The following GRID2 variants were observed in gnomAD, a reference collection of about 807,000 sequenced individuals.
GRID2 encodes glutamate ionotropic receptor delta type subunit 2, also known as glutamate receptor ionotropic, delta-2.
A neutral mutation model predicts 114.8 loss-of-function variants in GRID2; 33 were observed. That is an observed-to-expected ratio of 0.29 (90% CI 0.22 to 0.38). GRID2 has a LOEUF of 0.38. GRID2 is among the 10% of genes least tolerant of loss of function. GRID2 has a pLI of 1.00. For synonymous variants in GRID2, 505 were observed against 449.9 expected (o/e 1.12, Z -1.55); for missense variants, 1,184 against 1,257.7 (o/e 0.94, Z 0.89).
chr4:93,526,760 G>T (rs992239311), intron 13 of GRID2, among the ~76,000 whole-genome samples: 2 of 152,186 alleles, frequency 1.3e-5, no homozygotes, highest in African/African-American at 4.8e-5. Flanking sequence ...AGTGAGCTGA[G>T]ATTGCGCCAT....
At chr4:92,607,256 CAAATG>C (rs1263494873) in intron 2 of GRID2, among the ~76,000 whole-genome samples, 5 of 152,008 alleles carry the variant, frequency 3.3e-5, no homozygotes, top group African/African-American at 9.6e-5. Context: ...AATAATATGA[CAAATG>C]AAATAAACAC....
chr4:92,858,558 G>GT (rs1015403873), intron 2 of GRID2, among the ~76,000 whole-genome samples: 9 of 151,900 alleles, frequency 5.9e-5, no homozygotes, highest in African/African-American at 2.4e-5. Context: ...GAGTTTGTTT[G>GT]TTTTTTTTCT....
chr4:92,604,820 T>A (rs931344506), intron 2 of GRID2, among the ~76,000 whole-genome samples: 15 of 152,108 alleles, frequency 9.9e-5, no homozygotes, highest in African/African-American at 3.6e-4. Flanking sequence ...AATCACCAGT[T>A]GATATAGTTA....
At chr4:93,104,410 A>G (rs1277958076) in intron 3 of GRID2, among the ~76,000 whole-genome samples, 2 of 151,742 alleles carry the variant, frequency 1.3e-5, no homozygotes, top group East Asian at 3.9e-4. Flanking sequence ...GCACCCATTA[A>G]CTCGTCATTT....
chr4:92,326,705 G>T (rs1449566238), intron 1 of GRID2, among the ~76,000 whole-genome samples: 1 of 151,906 alleles, frequency 6.6e-6, no homozygotes, highest in Admixed American at 6.6e-5. Context: ...TTAACGTGTA[G>T]CAATAATCTT....
intron 2 of GRID2, among the ~76,000 whole-genome samples, chr4:93,029,692 A>G (rs542776715): frequency 1.3e-5 from 2 of 152,186 alleles, no homozygotes; most frequent in South Asian, 2.1e-4. Flanking sequence ...CAAAATATAC[A>G]ATAGCATCAG....
At chr4:93,661,196 A>G (rs778464095) in intron 14 of GRID2, among the ~76,000 whole-genome samples, 1 of 152,186 alleles carries the variant, frequency 6.6e-6, no homozygotes, top group Non-Finnish European at 1.5e-5. Context: ...TAACCTCCAA[A>G]TCAGTTCTTG....
chr4:92,721,982 C>T (rs1735829447), intron 2 of GRID2, among the ~76,000 whole-genome samples: 1 of 152,142 alleles, frequency 6.6e-6, no homozygotes, highest in South Asian at 2.1e-4. Context: ...CTATCACCTG[C>T]AGGTCAGAAC....
chr4:93,415,074 T>C (rs1767573501), intron 9 of GRID2, among the ~76,000 whole-genome samples: 1 of 152,136 alleles, frequency 6.6e-6, no homozygotes, highest in African/African-American at 2.4e-5. Flanking sequence ...TTACTACTTC[T>C]TATAATATTT....
chr4:92,419,759 C>T (rs1338766371), intron 1 of GRID2, among the ~76,000 whole-genome samples: 2 of 152,020 alleles, frequency 1.3e-5, no homozygotes, highest in East Asian at 3.9e-4. Flanking sequence ...TAAGAACTAA[C>T]ACTTATTTAG....
chr4:93,651,678 G>T (rs1227863924), intron 14 of GRID2, among the ~76,000 whole-genome samples: 2 of 152,116 alleles, frequency 1.3e-5, no homozygotes, highest in Non-Finnish European at 2.9e-5. Context: ...TACTGAGACT[G>T]GTAGATTCAG....
In GRID2 at chr4:93,782,113, G is replaced by A. The variant is rs574958179; in HGVS notation, c.221+12663G>A. Among the ~76,000 whole-genome samples the A allele has an allele frequency of 8.5e-5, 13 of 152,146 alleles. No individual in the cohort carries two copies. The South Asian group carries it at 1.0e-3, about 12-fold the overall frequency. On this transcript the variant is annotated intron_variant, in intron 1 of 1. Coordinates refer to the GRID2 transcript ENST00000637838. The stretch of plus-strand genomic sequence containing the variant: ...GAATTTATCATGTTTCCCACATGGC[G>A]AATACTCAGAATTGACCAAACTGCC...
At chr4:92,877,349 G>A (rs1033241037) in intron 2 of GRID2, among the ~76,000 whole-genome samples, 1 of 152,132 alleles carries the variant, frequency 6.6e-6, no homozygotes, top group African/African-American at 2.4e-5. Flanking sequence ...ATTCCTCATT[G>A]TTTTTTCTCT....
chr4:93,237,506 T>C (rs1455367794), intron 7 of GRID2, among the ~76,000 whole-genome samples: 1 of 151,896 alleles, frequency 6.6e-6, no homozygotes. Flanking sequence ...GAGGTGATAA[T>C]TAAAACAATT....
chr4:92,721,918 G>C (rs1735827214), intron 2 of GRID2, among the ~76,000 whole-genome samples: 1 of 152,102 alleles, frequency 6.6e-6, no homozygotes, highest in Admixed American at 6.6e-5. Context: ...TGACCAGCAG[G>C]ATAGAGTCAA....
chr4:92,872,527 T>A (rs1451518861), intron 2 of GRID2, among the ~76,000 whole-genome samples: 2 of 152,244 alleles, frequency 1.3e-5, no homozygotes, highest in East Asian at 3.9e-4. Flanking sequence ...AATTAATTAT[T>A]TGGATGATTA....
intron 8 of GRID2, among the ~76,000 whole-genome samples, chr4:93,283,378 A>T (rs1166825933): frequency 6.6e-6 from 1 of 152,080 alleles, no homozygotes; most frequent in African/African-American, 2.4e-5. Flanking sequence ...ATTTATATAT[A>T]ATTCTAGCTC....
At chr4:93,073,705 G>T (rs1729014707) in intron 2 of GRID2, among the ~76,000 whole-genome samples, 1 of 152,126 alleles carries the variant, frequency 6.6e-6, no homozygotes. Context: ...AAGACCTATT[G>T]CTACTGGTAA....
At chr4:92,362,188 T>A (rs912477051) in intron 1 of GRID2, among the ~76,000 whole-genome samples, 12 of 151,982 alleles carry the variant, frequency 7.9e-5, no homozygotes, top group Non-Finnish European at 1.8e-4. Flanking sequence ...GCTCTTGTGT[T>A]GGTGTTATCT....
Sources: allele counts gnomAD v4.1 joint callset (sites outside exome capture counted in the v4.1 genomes callset), GRCh38; gene constraint gnomAD v4.1.1; transcripts MANE v1.5; gene names NCBI Gene and HGNC (gene_info 2026-07-23, HGNC 2026-07-21).